Variants in SYNDIG1L observed in about 807,000 individuals in gnomAD.
The protein encoded by SYNDIG1L is synapse differentiation-inducing gene protein 1-like.
SYNDIG1L carries 13 observed loss-of-function variants against 20.1 expected under a neutral mutation model. The observed-to-expected ratio is 0.65, with a 90% CI of 0.42 to 1.03. The LOEUF is 1.03. Ranked by LOEUF, SYNDIG1L falls within the 50% of genes least tolerant of loss-of-function variation. SYNDIG1L has a pLI of 0.00. For synonymous variants in SYNDIG1L, 128 were observed against 129.3 expected (o/e 0.99, Z 0.07); for missense variants, 294 against 305.1 (o/e 0.96, Z 0.27).
At chr14:74,458,175 C>G in the SYNDIG1L span, among the ~76,000 whole-genome samples, 1 of 152,066 alleles carries the variant, frequency 6.6e-6, no homozygotes, top group Non-Finnish European at 1.5e-5. Context: ...TAAAATGGAG[C>G]TGTGAGGACT....
intron 1 of SYNDIG1L, among the ~76,000 whole-genome samples, chr14:74,419,815 C>T (rs751241535): frequency 6.6e-6 from 1 of 151,986 alleles, no homozygotes; most frequent in Non-Finnish European, 1.5e-5. Flanking sequence ...TCTAGGTGAC[C>T]GAATGAGAGA....
intron 1 of SYNDIG1L, among the ~76,000 whole-genome samples, chr14:74,413,533 T>C (rs2086149265): frequency 6.6e-6 from 1 of 152,056 alleles, no homozygotes; most frequent in Non-Finnish European, 1.5e-5. Flanking sequence ...TCAAGAGTGA[T>C]TATCTCCAGG....
upstream of SYNDIG1L, among the ~76,000 whole-genome samples, chr14:74,426,632 T>A (rs2086268753): frequency 1.3e-5 from 2 of 152,162 alleles, no homozygotes; most frequent in African/African-American, 2.4e-5. Flanking sequence ...AGCCCGATAA[T>A]GTGTTTAATC....
chr14:74,419,002 T>C (rs889242759), intron 1 of SYNDIG1L, among the ~76,000 whole-genome samples: 3 of 152,116 alleles, frequency 2.0e-5, no homozygotes, highest in Non-Finnish European at 4.4e-5. Flanking sequence ...GGTTTTGGGG[T>C]AGTTGGGCAG....
chr14:74,410,520 G>A (rs2086122274), intron 1 of SYNDIG1L, among the ~76,000 whole-genome samples: 1 of 152,126 alleles, frequency 6.6e-6, no homozygotes, highest in Admixed American at 6.5e-5. Flanking sequence ...GCCTGTGTGT[G>A]GGGAGTGGAC....
chr14:74,446,991 A>G, the SYNDIG1L span, among the ~76,000 whole-genome samples: 1 of 152,184 alleles, frequency 6.6e-6, no homozygotes, highest in Non-Finnish European at 1.5e-5. Context: ...TTGTGATTCC[A>G]GCATTTTGGG....
the SYNDIG1L span, among the ~76,000 whole-genome samples, chr14:74,468,288 T>A: frequency 1.3e-5 from 2 of 152,158 alleles, no homozygotes; most frequent in African/African-American, 4.8e-5. Context: ...GGTTTTTCTT[T>A]TGAAATAGTA....
the SYNDIG1L span, among the ~76,000 whole-genome samples, chr14:74,444,704 T>A: frequency 1.3e-5 from 2 of 151,926 alleles, no homozygotes; most frequent in Non-Finnish European, 2.9e-5. Context: ...CGAGTCAAGA[T>A]TGTGCCACTG....
chr14:74,454,542 A>T, the SYNDIG1L span, among the ~76,000 whole-genome samples: 1 of 152,248 alleles, frequency 6.6e-6, no homozygotes, highest in Non-Finnish European at 1.5e-5. Flanking sequence ...TTTATTCATT[A>T]TAGGCACAAT....
At chr14:74,457,716 C>G in the SYNDIG1L span, among the ~76,000 whole-genome samples, 2 of 151,998 alleles carry the variant, frequency 1.3e-5, no homozygotes, top group Non-Finnish European at 2.9e-5. Context: ...GCTCCATTTC[C>G]CCTCCCAGGG....
the SYNDIG1L span, among the ~76,000 whole-genome samples, chr14:74,463,474 G>A: frequency 6.6e-6 from 1 of 152,158 alleles, no homozygotes; most frequent in Non-Finnish European, 1.5e-5. Context: ...CTCCATGCCA[G>A]CCCCATAGAC....
At chr14:74,415,798 C>T (rs899775426) in intron 1 of SYNDIG1L, among the ~76,000 whole-genome samples, 6 of 151,836 alleles carry the variant, frequency 4.0e-5, no homozygotes, top group Admixed American at 2.0e-4. Context: ...ACCTTGGCCT[C>T]CCAAAGTACT....
At chr14:74,464,649 C>T in the SYNDIG1L span, among the ~76,000 whole-genome samples, 721 of 152,262 alleles carry the variant, frequency 4.7e-3, 4 homozygotes, top group African/African-American at 0.014. Context: ...CCCATGAAAT[C>T]TGGGCTTCGG....
the SYNDIG1L span, among the ~76,000 whole-genome samples, chr14:74,438,554 A>G: frequency 3.3e-5 from 5 of 152,218 alleles, no homozygotes; most frequent in African/African-American, 1.2e-4. Flanking sequence ...GCTAATAATT[A>G]TTGAGGAATA....
chr14:74,407,275 G>T lies in SYNDIG1L; in HGVS notation c.*260C>A. On this transcript the variant is annotated 3_prime_UTR_variant, in exon 4 of 4. Coordinates refer to ENST00000331628, the MANE Select transcript of SYNDIG1L (RefSeq NM_001105579.2). ...AGCTAGGCCCTGCTGGGATGGCCTGGTGGGCAGCCCTGCCTTCTGTTTCCC... is the reference window on the plus strand; with the variant it reads ...AGCTAGGCCCTGCTGGGATGGCCTGTTGGGCAGCCCTGCCTTCTGTTTCCC... The T allele has an allele frequency of 1.8e-6, 1 of 558,682 alleles. No individual in the cohort carries two copies. The highest frequency in any genetic ancestry group is 3.2e-6 in the Non-Finnish European group (1 of 313,678). The allele number at this position is 558,682 out of a possible 1,614,324, so 34.6% of individuals were successfully genotyped here. A position where few individuals can be genotyped will look rare whatever the true frequency, so the allele number is the denominator to read the frequency against.
rs369993661 is a variant in SYNDIG1L, at chr14:74,419,227, C to T, written c.-58+6685G>A. On this transcript the variant is annotated intron_variant, in intron 1 of 3. Transcript: ENST00000331628. The stretch of plus-strand genomic sequence containing the variant: ...TATCTGCTCTTCACAGCTCCATGCT[C>T]CTTGCCTCAAAGTGCTTATCACAGT... Among the ~76,000 whole-genome samples, 6 of 152,350 alleles carry T rather than the reference C, an allele frequency of 3.9e-5. No homozygotes were observed. The East Asian group carries it at 1.2e-3, about 29-fold the overall frequency.
the SYNDIG1L span, among the ~76,000 whole-genome samples, chr14:74,435,183 G>T: frequency 6.6e-6 from 1 of 151,566 alleles, no homozygotes; most frequent in African/African-American, 2.4e-5. Flanking sequence ...CCATCCTCAA[G>T]GCTCCAGCCA....
Position 74,418,403 on chromosome 14 carries a change from C to T in SYNDIG1L, c.-58+7509G>A, listed in dbSNP as rs138376889. On this transcript the variant is annotated intron_variant, in intron 1 of 3. Coordinates refer to ENST00000331628, the MANE Select transcript of SYNDIG1L (RefSeq NM_001105579.2). ...TAACACAATTGATTATCCTTTCTCT[C>T]GCCTCTGTCTCCAACTGCTCCTAAT... Among the ~76,000 whole-genome samples the T allele has an allele frequency of 5.9e-5, 9 of 152,352 alleles. No homozygotes were observed. In the East Asian group the frequency reaches 1.2e-3, roughly 20 times the overall value.
In SYNDIG1L at chr14:74,425,999, C is replaced by A; in HGVS notation, c.-145G>T. On this transcript the variant is annotated 5_prime_UTR_variant, in exon 1 of 4. Coordinates refer to ENST00000331628, the MANE Select transcript of SYNDIG1L (RefSeq NM_001105579.2). ...AGCGACGGCGCCCCCGCCTCGCGGT[C>A]GCGGTGGAACTCCCAGGAGGGCTCC... 1.3e-5 allele frequency: 2 copies of A among 152,724 alleles called. No individual in the cohort carries two copies. Among genetic ancestry groups the A allele is most frequent in the South Asian group, 3.6e-4 (2 of 5,516 alleles). 9.5% of individuals were successfully genotyped at this position (152,724 alleles called of 1,614,324 possible). A position where few individuals can be genotyped will look rare whatever the true frequency, so the allele number is the denominator to read the frequency against.
Sources: allele counts gnomAD v4.1 joint callset (sites outside exome capture counted in the v4.1 genomes callset), GRCh38; gene constraint gnomAD v4.1.1; transcripts MANE v1.5; gene names NCBI Gene and HGNC (gene_info 2026-07-23, HGNC 2026-07-21).